The following RNGTT variants were observed in gnomAD, a reference collection of about 807,000 sequenced individuals.
RNGTT encodes mRNA-capping enzyme.
In RNGTT, 33 loss-of-function variants were observed where a neutral mutation model predicts 79.3. That is an observed-to-expected ratio of 0.42 (90% confidence interval 0.32 to 0.56). The LOEUF (loss-of-function observed/expected upper bound fraction) is 0.56, where lower values mean the gene tolerates loss of function less well. Among genes scored for constraint, RNGTT ranks in the 20% least tolerant of loss-of-function variants. RNGTT has a pLI of 0.17. For synonymous variants in RNGTT, 222 were observed against 235.9 expected (o/e 0.94, Z 0.54); for missense variants, 497 against 739.1 (o/e 0.67, Z 3.80).
chr6:88,707,001 G>A, intron 13 of RNGTT, among the ~76,000 whole-genome samples: 1 of 152,134 alleles, frequency 6.6e-6, no homozygotes, highest in Non-Finnish European at 1.5e-5. Context: ...AGAGGAAGAA[G>A]GTGATGAATT....
chr6:88,665,119 G>T (rs1774348702), intron 14 of RNGTT, among the ~76,000 whole-genome samples: 1 of 152,116 alleles, frequency 6.6e-6, no homozygotes, highest in Non-Finnish European at 1.5e-5. Flanking sequence ...AAGTTGCCTG[G>T]AACAGGAGTT....
chr6:88,789,246 C>G (rs964478877), intron 12 of RNGTT, among the ~76,000 whole-genome samples: 6 of 152,156 alleles, frequency 3.9e-5, no homozygotes, highest in East Asian at 3.9e-4. Context: ...ATGGGGAAAC[C>G]CCATCGCTAC....
chr6:88,611,572 T>G lies in RNGTT; in HGVS notation c.*1147A>C, dbSNP rs1772025325. On this transcript the variant is annotated 3_prime_UTR_variant, in exon 16 of 16. Coordinates refer to ENST00000369485, the MANE Select transcript of RNGTT (RefSeq NM_003800.5). ...TATCTATCAGTAAACATTTTAAAATTCAGATGTATAACAGAAATAACATCC... is the reference window on the plus strand; with the variant it reads ...TATCTATCAGTAAACATTTTAAAATGCAGATGTATAACAGAAATAACATCC... 1 of 152,370 alleles carries G rather than the reference T, an allele frequency of 6.6e-6. No homozygotes were observed. Among genetic ancestry groups the G allele is most frequent in the Non-Finnish European group, 1.5e-5 (1 of 68,046 alleles). 9.4% of individuals were successfully genotyped at this position (152,370 alleles called of 1,614,324 possible). A position where few individuals can be genotyped will look rare whatever the true frequency, so the allele number is the denominator to read the frequency against.
At chr6:88,638,938 G>A (rs1167642006) in intron 14 of RNGTT, among the ~76,000 whole-genome samples, 2 of 152,040 alleles carry the variant, frequency 1.3e-5, no homozygotes, top group Non-Finnish European at 2.9e-5. Flanking sequence ...CTCATATTTT[G>A]TATCAGCCAA....
chr6:88,695,395 G>A (rs754694857), intron 13 of RNGTT, among the ~76,000 whole-genome samples: 3 of 152,024 alleles, frequency 2.0e-5, no homozygotes, highest in Non-Finnish European at 4.4e-5. Context: ...ATGGCCAACA[G>A]GTATATGAAA....
intron 12 of RNGTT, among the ~76,000 whole-genome samples, chr6:88,781,121 A>G (rs1181803400): frequency 6.6e-6 from 1 of 152,244 alleles, no homozygotes; most frequent in African/African-American, 2.4e-5. Context: ...AAATGAAGCT[A>G]GCATTAGTAA....
At chr6:88,817,581 C>T (rs187495239) in intron 11 of RNGTT, among the ~76,000 whole-genome samples, 160 of 149,564 alleles carry the variant, frequency 1.1e-3, no homozygotes, top group African/African-American at 3.5e-3. Flanking sequence ...CACACACACA[C>T]TCATATTCTC....
intron 13 of RNGTT, among the ~76,000 whole-genome samples, chr6:88,731,004 CATAGG>C (rs1777095194): frequency 6.6e-6 from 1 of 152,096 alleles, no homozygotes; most frequent in Non-Finnish European, 1.5e-5. Flanking sequence ...GATATTTTGT[CATAGG>C]ATTGTAGAAC....
intron 4 of RNGTT, among the ~76,000 whole-genome samples, chr6:88,919,835 C>T (rs559827667): frequency 6.7e-6 from 1 of 149,056 alleles, no homozygotes; most frequent in East Asian, 2.0e-4. Context: ...GGATTACAGG[C>T]ATGCGCCACC....
chr6:88,726,916 T>C (rs1033574022), intron 13 of RNGTT, among the ~76,000 whole-genome samples: 1 of 152,112 alleles, frequency 6.6e-6, no homozygotes, highest in African/African-American at 2.4e-5. Flanking sequence ...ACTTCTAATC[T>C]TGTGGCCTTA....
At chr6:88,931,841 A>G (rs932498243) in intron 2 of RNGTT, among the ~76,000 whole-genome samples, 1 of 152,168 alleles carries the variant, frequency 6.6e-6, no homozygotes, top group African/African-American at 2.4e-5. Context: ...TAATCCCATC[A>G]TCTTCGTAAG....
rs534290027 is a variant in RNGTT at position 88,727,135 on chromosome 6, GA to G, written c.1439+42638del. On this transcript the variant is annotated intron_variant, in intron 13 of 15. Transcript: ENST00000369485. ...CATGTCAAAGAATTGTAAAAGTCGT[GA>G]AAAAAAAGTTATAAAACGGAATTTA... 7.5e-3 allele frequency among the ~76,000 whole-genome samples: 1,139 copies of G among 151,814 alleles called. 46 individuals are homozygous for G. The highest frequency in any genetic ancestry group is 0.064 in the Admixed American group (969 of 15,254).
intron 12 of RNGTT, among the ~76,000 whole-genome samples, chr6:88,778,398 ATACT>A (rs1333983890): frequency 7.1e-6 from 1 of 140,324 alleles, no homozygotes; most frequent in Non-Finnish European, 1.5e-5. Flanking sequence ...TATAAGAAAA[ATACT>A]TAGGAAGGAA....
In RNGTT at chr6:88,614,306, G is replaced by A. The variant is rs765113562; in HGVS notation, c.1596C>T (p.Asp532=). The A allele has an allele frequency of 6.2e-7, 1 of 1,613,792 alleles. No individual in the cohort carries two copies. The highest frequency in any genetic ancestry group is 1.1e-5 in the South Asian group (1 of 91,060). Residue 532 remains aspartate, a synonymous_variant, in exon 15 of 16, where the codon GAC becomes GAT. Transcript: ENST00000369485. Reference sequence around the variant, plus strand: ...TGTTGTAGGCATTAGGAAAACTTTTGTCTGTTCTCTGTCTCATGAAGACCC... The same window carrying A: ...TGTTGTAGGCATTAGGAAAACTTTTATCTGTTCTCTGTCTCATGAAGACCC... ...NSWVFMRQRT[D]KSFPNAYNTA...
chr6:88,718,090 C>T lies in RNGTT; in HGVS notation c.1440-39671G>A, dbSNP rs921079093. ...AGAAATTCACAAGAAAGTGCTAACTCGCCATTTAAGTACTGTTTATAGCTA... is the reference window on the plus strand; with the variant it reads ...AGAAATTCACAAGAAAGTGCTAACTTGCCATTTAAGTACTGTTTATAGCTA... On this transcript the variant is annotated intron_variant, in intron 13 of 15. Transcript: ENST00000369485. Among the ~76,000 whole-genome samples, 3 of 152,194 alleles carry T rather than the reference C, an allele frequency of 2.0e-5. No homozygotes were observed. In the South Asian group the frequency reaches 6.2e-4, roughly 32 times the overall value.
In RNGTT at chr6:88,769,780, C is replaced by G; in HGVS notation, c.1433G>C (p.Gly478Ala). Residue 478 changes from glycine (G) to alanine (A), a missense_variant, in exon 13 of 16, where the codon GGA becomes GCA. Gly to Ala is a moderately conservative substitution (Grantham distance 60). Around this residue, in one of 3 missense-constraint regions of RNGTT, gnomAD observed 440 missense variants for 671.5 expected, o/e 0.66. Coordinates refer to ENST00000369485, the MANE Select transcript of RNGTT (RefSeq NM_003800.5). ...DFRLKITRMG[G>A]EGLLPQNVGL... is the part of the protein sequence containing the mutation. ...TACAAAAGTGCATACTTACCCTTCT[C>G]CTCCCATTCTTGTTATTTTTAGACG... The G allele has an allele frequency of 6.2e-7, 1 of 1,601,254 alleles. No individual in the cohort carries two copies. Among genetic ancestry groups the G allele is most frequent in the Non-Finnish European group, 8.6e-7 (1 of 1,169,094 alleles).
intron 13 of RNGTT, among the ~76,000 whole-genome samples, chr6:88,726,584 G>A (rs1322130727): frequency 6.6e-6 from 1 of 152,068 alleles, no homozygotes; most frequent in Non-Finnish European, 1.5e-5. Flanking sequence ...CTCCCTTCAG[G>A]ACAGGAGGAT....
chr6:88,750,361 A>G lies in RNGTT; in HGVS notation c.1439+19413T>C, dbSNP rs547422165. Reference sequence around the variant, plus strand: ...ACATTAGTCCAGGCAATATAATGCAAGTTTGAATAACGATCATGTCTACAG... The same window carrying G: ...ACATTAGTCCAGGCAATATAATGCAGGTTTGAATAACGATCATGTCTACAG... On this transcript the variant is annotated intron_variant, in intron 13 of 15. Coordinates refer to ENST00000369485, the MANE Select transcript of RNGTT (RefSeq NM_003800.5). Among the ~76,000 whole-genome samples, 4 of 152,288 alleles carry G rather than the reference A, an allele frequency of 2.6e-5. No individual in the cohort carries two copies. The East Asian group carries it at 7.7e-4, about 29-fold the overall frequency.
intron 1 of RNGTT, among the ~76,000 whole-genome samples, chr6:88,956,022 C>A: frequency 8.6e-6 from 1 of 116,610 alleles, no homozygotes; most frequent in African/African-American, 3.5e-5. Flanking sequence ...GCCTGGGTGA[C>A]AGAGCGAGAC....
Sources: gnomAD v4.1 joint callset for allele counts (sites outside exome capture counted in the v4.1 genomes callset) on GRCh38, gnomAD v4.1.1 for gene constraint, gnomAD v4.1.1 regional missense constraint, MANE v1.5 for transcripts, NCBI Gene and HGNC (gene_info 2026-07-23, HGNC 2026-07-21) for gene names.